RFX8: variants seen among roughly 807,000 people sequenced by gnomAD.
RFX8 encodes regulatory factor X8, also known as DNA-binding protein RFX8.
Under a neutral mutation model 54.6 loss-of-function variants are expected in RFX8, and 46 were observed. The observed-to-expected ratio is 0.84, with a 90% CI of 0.67 to 1.08. The LOEUF (loss-of-function observed/expected upper bound fraction) is 1.08, where lower values mean the gene tolerates loss of function less well. Ranked by LOEUF, RFX8 falls within the 50% of genes least tolerant of loss-of-function variation. RFX8 has a pLI of 0.00. For synonymous variants in RFX8, 192 were observed against 209.5 expected (o/e 0.92, Z 0.72); for missense variants, 536 against 562.3 (o/e 0.95, Z 0.47).
At chr2:101,469,104 A>ACG (rs1558896970) in intron 1 of RFX8, among the ~76,000 whole-genome samples, 40 of 28,600 alleles carry the variant, frequency 1.4e-3, no homozygotes, top group African/African-American at 2.9e-3. Flanking sequence ...GTATATATAT[A>ACG]TAAGTGTATA....
intron 4 of RFX8, 54 bp from the exon 5 acceptor site, chr2:101,419,018 T>C (rs986686890): frequency 1.0e-5 from 9 of 881,544 alleles, no homozygotes; most frequent in Non-Finnish European, 1.6e-5. Flanking sequence ...CTCGCAAGAC[T>C]AACCCCCCGC....
chr2:101,471,812 A>T (rs1188369842), intron 1 of RFX8, among the ~76,000 whole-genome samples: 1 of 152,202 alleles, frequency 6.6e-6, no homozygotes, highest in Non-Finnish European at 1.5e-5. Context: ...TGACAGTGGC[A>T]CTGATGTCTC....
chr2:101,446,695 C>T (rs1202321622), intron 2 of RFX8, among the ~76,000 whole-genome samples: 2 of 151,314 alleles, frequency 1.3e-5, no homozygotes, highest in Non-Finnish European at 2.9e-5. Flanking sequence ...CCCCGGGACG[C>T]TAATGGTCTC....
intron 6 of RFX8, among the ~76,000 whole-genome samples, chr2:101,416,634 G>A (rs1365840862): frequency 5.3e-5 from 8 of 152,202 alleles, no homozygotes; most frequent in South Asian, 2.1e-4. Context: ...TAGGGAGTTC[G>A]AGAGCTGCAG....
chr2:101,430,759 T>C (rs536559886), intron 2 of RFX8, among the ~76,000 whole-genome samples: 1 of 152,224 alleles, frequency 6.6e-6, no homozygotes, highest in South Asian at 2.1e-4. Context: ...TCAGGTAAAA[T>C]TTATAAACAG....
rs1312636596 is a variant in RFX8 at position 101,405,954 on chromosome 2, CT to C, written c.916del (p.Arg306GlufsTer18). On this transcript the variant is annotated frameshift_variant, in exon 10 of 12. Transcript: ENST00000428343. LOFTEE classifies it high-confidence loss of function. The stretch of plus-strand genomic sequence containing the variant: ...ATTCTCTGACTTACCAAAACTATCT[CT>C]GTGGCAGAGGGTCATGGCTTTGCTT... The part of the protein sequence containing the change: ...AVSKAMTLCH[R>X]DSFGSWHLFH... The C allele has an allele frequency of 6.5e-7, 1 of 1,529,756 alleles. No homozygotes were observed. Among genetic ancestry groups the C allele is most frequent in the African/African-American group, 1.4e-5 (1 of 72,102 alleles). 94.8% of individuals were successfully genotyped at this position (1,529,756 alleles called of 1,614,324 possible). A position where few individuals can be genotyped will look rare whatever the true frequency, so the allele number is the denominator to read the frequency against.
rs202038959 is a variant in RFX8 at position 101,414,827 on chromosome 2, C to T, written c.561+27G>A. ...CTCTTTTCAGGAAACTGCTTTGTTC[C>T]CTCCTATCTGCTTGGCTGAAGCCTA... On this transcript the variant is annotated intron_variant, in intron 7 of 11. Coordinates refer to ENST00000428343, the MANE Select transcript of RFX8 (RefSeq NM_001145664.2). The T allele has an allele frequency of 1.7e-3, 2,581 of 1,522,122 alleles. 5 individuals carry two copies. Among genetic ancestry groups the T allele is most frequent in the Non-Finnish European group, 2.2e-3 (2,412 of 1,121,038 alleles). The allele number at this position is 1,522,122 out of a possible 1,614,324, so 94.3% of individuals were successfully genotyped here.
intron 1 of RFX8, among the ~76,000 whole-genome samples, chr2:101,473,529 A>G (rs1205225090): frequency 6.6e-6 from 1 of 152,176 alleles, no homozygotes; most frequent in Non-Finnish European, 1.5e-5. Flanking sequence ...TTTCACTCAC[A>G]TGACTTTTTC....
intron 2 of RFX8, among the ~76,000 whole-genome samples, chr2:101,464,384 G>A (rs188611666): frequency 2.2e-4 from 34 of 152,312 alleles, no homozygotes; most frequent in African/African-American, 8.2e-4. Context: ...CCAGGAATGA[G>A]TCTTACCCAT....
At chr2:101,412,842 GTTAACGAT>G in intron 8 of RFX8, 65 bp downstream of exon 8, 10 of 1,384,210 alleles carry the variant, frequency 7.2e-6, no homozygotes, top group Non-Finnish European at 9.8e-6. Flanking sequence ...AAATTCATGA[GTTAACGAT>G]GGCCATGCTA....
Position 101,469,068 on chromosome 2 carries a change from A to ATATATATACG in RFX8, c.-52-2169_-52-2168insCGTATATATA, listed in dbSNP as rs1689786522. Among the ~76,000 whole-genome samples, 87 of 17,406 alleles carry ATATATATACG rather than the reference A, an allele frequency of 5.0e-3. 4 individuals carry two copies. Among genetic ancestry groups the ATATATATACG allele is most frequent in the African/African-American group, 0.023 (82 of 3,612 alleles). 11.4% of individuals were successfully genotyped at this position (17,406 alleles called of 152,430 possible). On this transcript the variant is annotated intron_variant, in intron 1 of 11. Transcript: ENST00000428343. Reference sequence around the variant, plus strand: ...TATATATATATACGTATATATATGTATATATATATAAGTGTATATATATAA... The same window carrying ATATATATACG: ...TATATATATATACGTATATATATGTATATATATACGTATATATATAAGTGTATATATATAA...
At chr2:101,436,073 T>C (rs765632701) in intron 2 of RFX8, among the ~76,000 whole-genome samples, 5 of 152,000 alleles carry the variant, frequency 3.3e-5, no homozygotes, top group Non-Finnish European at 5.9e-5. Flanking sequence ...GTGGGCACCC[T>C]CTTCTCCCCT....
At chr2:101,452,639 A>G (rs1688747810) in intron 2 of RFX8, among the ~76,000 whole-genome samples, 2 of 152,228 alleles carry the variant, frequency 1.3e-5, no homozygotes, top group South Asian at 4.1e-4. Flanking sequence ...TTTGGGGGAA[A>G]AAAATTAGAC....
At position 101,414,889 on chromosome 2, in the gene RFX8, G is replaced by T. The variant is rs76384189; in HGVS notation, c.526C>A (p.Leu176Ile). The T allele has an allele frequency of 6.5e-7, 1 of 1,550,218 alleles. No individual in the cohort carries two copies. Among genetic ancestry groups the T allele is most frequent in the African/African-American group, 1.4e-5 (1 of 73,118 alleles). ...LKEVTLFVKR[L>I]RRKTYLSNMA... ...TTGGAAAGGTACGTCTTTCTTCTTA[G>T]TCTTTTGACAAATAGAGTAACTTCT... The change falls in exon 7 of 12, where the codon CTA becomes ATA. Residue 176 changes from leucine to isoleucine, a missense_variant. Coordinates refer to ENST00000428343, the MANE Select transcript of RFX8 (RefSeq NM_001145664.2).
At chr2:101,418,543 T>A (rs1437090071) in intron 5 of RFX8, among the ~76,000 whole-genome samples, 4 of 152,188 alleles carry the variant, frequency 2.6e-5, no homozygotes, top group Non-Finnish European at 4.4e-5. Flanking sequence ...ATATTACAAT[T>A]CCAATTATTC....
At chr2:101,423,679 A>G (rs956001584) in intron 2 of RFX8, among the ~76,000 whole-genome samples, 4 of 152,146 alleles carry the variant, frequency 2.6e-5, no homozygotes, top group Admixed American at 2.6e-4. Context: ...CTACTCACTT[A>G]TAGAATTGCT....
At chr2:101,428,495 A>G (rs910618748) in intron 2 of RFX8, among the ~76,000 whole-genome samples, 22 of 152,318 alleles carry the variant, frequency 1.4e-4, no homozygotes, top group Admixed American at 7.2e-4. Flanking sequence ...TTGTTGTTGA[A>G]GCCATCCTGT....
At position 101,401,243 on chromosome 2, in the gene RFX8, T is replaced by C. The variant is rs146391416; in HGVS notation, c.1245+1193A>G. 5.3e-5 allele frequency among the ~76,000 whole-genome samples: 8 copies of C among 152,316 alleles called. No individual in the cohort carries two copies. The South Asian group carries it at 6.2e-4, about 12-fold the overall frequency. ...ATAGAGAACTGGTAAACCTGAGAGATGCATTTCCCCGGCTCCTGTTTTGTT... is the reference window on the plus strand; with the variant it reads ...ATAGAGAACTGGTAAACCTGAGAGACGCATTTCCCCGGCTCCTGTTTTGTT... On this transcript the variant is annotated intron_variant, in intron 11 of 11. Transcript: ENST00000428343.
chr2:101,469,015 TAG>T (rs1361447977), intron 1 of RFX8, among the ~76,000 whole-genome samples: 8 of 25,882 alleles, frequency 3.1e-4, no homozygotes, highest in East Asian at 8.3e-4. Flanking sequence ...TATATATATA[TAG>T]GTATATATAT....
Sources: allele counts gnomAD v4.1 joint callset (sites outside exome capture counted in the v4.1 genomes callset), GRCh38; gene constraint gnomAD v4.1.1; transcripts MANE v1.5; gene names NCBI Gene and HGNC (gene_info 2026-07-23, HGNC 2026-07-21).